Variants in DMD observed in about 807,000 individuals in gnomAD.
DMD encodes the protein dystrophin.
Under a neutral mutation model 330.1 loss-of-function variants are expected in DMD, and 63 were observed. The observed-to-expected ratio is 0.19, with a 90% confidence interval of 0.16 to 0.24. The LOEUF (loss-of-function observed/expected upper bound fraction) is 0.24, where lower values mean the gene tolerates loss of function less well. Among genes scored for constraint, DMD ranks in the 10% least tolerant of loss-of-function variants. The pLI, the probability that DMD is intolerant of heterozygous loss-of-function variation, is 1.00. For missense variants in DMD, 3,344 were observed against 2,684.1 expected (o/e 1.25, Z -5.43); for synonymous variants, 1,223 against 959.8 (o/e 1.27, Z -5.07).
chrX:31,555,310 A>G (rs1418512703), intron 55 of DMD, among the ~76,000 whole-genome samples: 1 of 111,719 alleles, frequency 9.0e-6, no homozygotes, highest in African/African-American at 3.3e-5. Context: ...GGAATGTGTT[A>G]ATTAGAAGAT....
At chrX:32,578,400 G>A (rs808568) in intron 13 of DMD, among the ~76,000 whole-genome samples, 40,244 of 110,833 alleles carry the variant, frequency 0.36, 5,671 homozygotes, top group East Asian at 0.64. Flanking sequence ...TCAGCAGTAA[G>A]TGAAGCTAAA....
intron 1 of DMD, among the ~76,000 whole-genome samples, chrX:33,129,324 G>GGTTTTTTT (rs2095483564): frequency 9.6e-5 from 1 of 10,465 alleles, no homozygotes; most frequent in Non-Finnish European, 2.1e-4. Flanking sequence ...GTTAAGGTTT[G>GGTTTTTTT]CTTTTTTTTT....
chrX:32,703,542 T>C (rs1364401828), intron 7 of DMD, among the ~76,000 whole-genome samples: 1 of 111,611 alleles, frequency 9.0e-6, no homozygotes. Context: ...TTAGACTATG[T>C]TAGATTATGA....
intron 11 of DMD, among the ~76,000 whole-genome samples, chrX:32,637,739 G>T (rs2059195602): frequency 9.0e-6 from 1 of 111,163 alleles, no homozygotes; most frequent in South Asian, 3.8e-4. Flanking sequence ...AAGGGGAAAG[G>T]CCCCTTATAA....
At chrX:33,149,812 G>C (rs1195406631) in intron 1 of DMD, among the ~76,000 whole-genome samples, 1 of 111,073 alleles carries the variant, frequency 9.0e-6, no homozygotes, top group Non-Finnish European at 1.9e-5. Context: ...GGATCAAGTT[G>C]ATACCACATA....
At chrX:31,373,032 G>GACAA (rs1208056199) in intron 60 of DMD, among the ~76,000 whole-genome samples, 7 of 110,582 alleles carry the variant, frequency 6.3e-5, no homozygotes, top group African/African-American at 2.0e-4. Context: ...ACCAATAACA[G>GACAA]ACAGAGAGCC....
At chrX:33,335,643 T>C (rs1194291305) in intron 1 of DMD, among the ~76,000 whole-genome samples, 2 of 110,857 alleles carry the variant, frequency 1.8e-5, no homozygotes, top group East Asian at 5.7e-4. Context: ...AGACAGGCTA[T>C]CTGGATCGTC....
intron 44 of DMD, among the ~76,000 whole-genome samples, chrX:32,161,597 C>T: frequency 1.8e-5 from 2 of 111,827 alleles, no homozygotes; most frequent in Middle Eastern, 9.3e-3. Context: ...TATTAATTTT[C>T]CCCACTCCCT....
At chrX:32,842,675 C>T (rs750122123) in intron 4 of DMD, among the ~76,000 whole-genome samples, 14 of 111,481 alleles carry the variant, frequency 1.3e-4, no homozygotes, top group Admixed American at 1.9e-4. Flanking sequence ...ATGTGTTATT[C>T]GGTTTTCTGT....
chrX:31,549,807 C>A (rs898518241), intron 55 of DMD, among the ~76,000 whole-genome samples: 2 of 112,127 alleles, frequency 1.8e-5, no homozygotes, highest in African/African-American at 6.5e-5. Flanking sequence ...ATAAGTTATT[C>A]TTGATATTTA....
intron 44 of DMD, among the ~76,000 whole-genome samples, chrX:32,141,460 A>G (rs1222448064): frequency 9.2e-6 from 1 of 109,257 alleles, no homozygotes; most frequent in Non-Finnish European, 1.9e-5. Flanking sequence ...AACAAAAACA[A>G]AAACAAAAAC....
chrX:32,191,004 T>C (rs2096972873), intron 44 of DMD, among the ~76,000 whole-genome samples: 1 of 110,696 alleles, frequency 9.0e-6, no homozygotes, highest in South Asian at 3.8e-4. Context: ...TAAGGCCACC[T>C]CTCCTAATCA....
At chrX:32,834,912 A>G (rs999045823) in intron 4 of DMD, among the ~76,000 whole-genome samples, 5 of 111,501 alleles carry the variant, frequency 4.5e-5, no homozygotes, top group Non-Finnish European at 9.4e-5. Context: ...AAATCATAAG[A>G]GGGAAGACGA....
chrX:33,018,908 T>C (rs1183248893), intron 2 of DMD, among the ~76,000 whole-genome samples: 1 of 111,779 alleles, frequency 8.9e-6, no homozygotes, highest in African/African-American at 3.2e-5. Context: ...AAGTTGAGGA[T>C]TTAAAAAACG....
At chrX:31,822,374 C>T (rs1001530244) in intron 49 of DMD, among the ~76,000 whole-genome samples, 1 of 111,889 alleles carries the variant, frequency 8.9e-6, no homozygotes, top group Non-Finnish European at 1.9e-5. Context: ...GCAGTGTGTC[C>T]TGGCTATCTA....
intron 17 of DMD, among the ~76,000 whole-genome samples, chrX:32,523,228 C>T (rs942663907): frequency 1.8e-5 from 2 of 111,180 alleles, no homozygotes; most frequent in Non-Finnish European, 3.8e-5. Flanking sequence ...TGGAAGGCCT[C>T]AAAAGCAGCC....
At chrX:31,292,826 A>T (rs1005428343) in intron 62 of DMD, among the ~76,000 whole-genome samples, 1 of 111,751 alleles carries the variant, frequency 8.9e-6, no homozygotes, top group South Asian at 3.8e-4. Flanking sequence ...CATAAACACA[A>T]TGTTGAGTCC....
intron 7 of DMD, among the ~76,000 whole-genome samples, chrX:32,710,822 C>G (rs2065122398): frequency 9.0e-6 from 1 of 110,795 alleles, no homozygotes; most frequent in Non-Finnish European, 1.9e-5. Context: ...AATTCCTTGT[C>G]ATCTCACTAA....
chrX:32,835,543 A>G (rs2079539661), intron 4 of DMD, among the ~76,000 whole-genome samples: 1 of 112,722 alleles, frequency 8.9e-6, no homozygotes, highest in Admixed American at 9.4e-5. Flanking sequence ...AAAATACATT[A>G]TTGACAGCAG....
Sources: allele counts gnomAD v4.1 joint callset (sites outside exome capture counted in the v4.1 genomes callset), GRCh38; gene constraint gnomAD v4.1.1; transcripts MANE v1.5; gene names NCBI Gene and HGNC (gene_info 2026-07-23, HGNC 2026-07-21).